Variants in PTPRD observed in about 807,000 individuals in gnomAD.
PTPRD encodes the protein protein tyrosine phosphatase receptor type D.
Under a neutral mutation model 214.5 loss-of-function variants are expected in PTPRD, and 34 were observed. The ratio of observed to expected loss-of-function variants is 0.16; its 90% CI spans 0.12 to 0.21. The LOEUF is 0.21. Among genes scored for constraint, PTPRD ranks in the 10% least tolerant of loss-of-function variants. The pLI, the probability that PTPRD is intolerant of heterozygous loss-of-function variation, is 1.00. For synonymous variants in PTPRD, 1,128 were observed against 845.7 expected, an observed-to-expected ratio of 1.33 and a Z score of -5.79; for missense variants, 2,545 against 2,398.7, an observed-to-expected ratio of 1.06 and a Z score of -1.27.
chr9:9,962,297 A>G (rs985367930), intron 4 of PTPRD, among the ~76,000 whole-genome samples: 2 of 148,662 alleles, frequency 1.3e-5, no homozygotes, highest in South Asian at 2.1e-4. Flanking sequence ...TGAGAAAGTG[A>G]TAACAGAAAA....
intron 3 of PTPRD, among the ~76,000 whole-genome samples, chr9:10,177,878 T>C (rs1312515514): frequency 1.3e-5 from 2 of 151,966 alleles, no homozygotes; most frequent in Non-Finnish European, 2.9e-5. Flanking sequence ...ATCCACTTCC[T>C]TTTATAATTA....
chr9:9,117,182 A>T (rs1424161813), intron 10 of PTPRD, among the ~76,000 whole-genome samples: 1 of 151,642 alleles, frequency 6.6e-6, no homozygotes, highest in East Asian at 1.9e-4. Flanking sequence ...CTGATCTAAA[A>T]TTAGTATCTT....
At chr9:10,062,439 C>T (rs1306156898) in intron 3 of PTPRD, among the ~76,000 whole-genome samples, 1 of 151,956 alleles carries the variant, frequency 6.6e-6, no homozygotes, top group Non-Finnish European at 1.5e-5. Flanking sequence ...AACCCCGTCT[C>T]TACTAAAAAT....
intron 11 of PTPRD, among the ~76,000 whole-genome samples, chr9:8,739,807 G>C (rs966115467): frequency 6.6e-6 from 1 of 152,144 alleles, no homozygotes; most frequent in Non-Finnish European, 1.5e-5. Flanking sequence ...TATAGGGGCA[G>C]GGCTTTCCTG....
chr9:8,505,451 T>C (rs1386449374), intron 22 of PTPRD, among the ~76,000 whole-genome samples: 1 of 151,630 alleles, frequency 6.6e-6, no homozygotes, highest in Non-Finnish European at 1.5e-5. Context: ...TGAAATCCCA[T>C]CTCTCCTAAA....
At chr9:10,519,092 C>T (rs534576167) in intron 2 of PTPRD, among the ~76,000 whole-genome samples, 13 of 151,494 alleles carry the variant, frequency 8.6e-5, no homozygotes, top group Admixed American at 3.3e-4. Context: ...CATTGTCAGA[C>T]GAGAAACTTG....
intron 2 of PTPRD, among the ~76,000 whole-genome samples, chr9:10,462,946 T>C (rs1404048661): frequency 6.7e-6 from 1 of 150,002 alleles, no homozygotes; most frequent in African/African-American, 2.4e-5. Flanking sequence ...TTCCAGAGAG[T>C]GTGTATATAT....
At chr9:10,029,089 A>G (rs559088882) in intron 4 of PTPRD, among the ~76,000 whole-genome samples, 2 of 152,324 alleles carry the variant, frequency 1.3e-5, no homozygotes, top group South Asian at 4.1e-4. Context: ...GCAAGGCCCA[A>G]GTCTTGGCAG....
At chr9:8,766,175 T>C (rs1314906026) in intron 11 of PTPRD, among the ~76,000 whole-genome samples, 6 of 150,926 alleles carry the variant, frequency 4.0e-5, no homozygotes, top group Non-Finnish European at 8.8e-5. Context: ...CCCATTTCGT[T>C]TTACCACTGA....
At chr9:10,340,033 C>G (rs2096910168) in intron 3 of PTPRD, among the ~76,000 whole-genome samples, 1 of 151,674 alleles carries the variant, frequency 6.6e-6, no homozygotes, top group South Asian at 2.1e-4. Flanking sequence ...ACTCTCCTCT[C>G]TAAAGAAAAT....
At chr9:8,749,808 A>G (rs1249755965) in intron 11 of PTPRD, among the ~76,000 whole-genome samples, 1 of 152,146 alleles carries the variant, frequency 6.6e-6, no homozygotes, top group Admixed American at 6.5e-5. Context: ...AACGTACAAG[A>G]CAGCAAGGTC....
At chr9:9,618,486 C>A (rs1487801871) in intron 7 of PTPRD, among the ~76,000 whole-genome samples, 1 of 152,002 alleles carries the variant, frequency 6.6e-6, no homozygotes, top group African/African-American at 2.4e-5. Context: ...TGAGCTATGG[C>A]AGTGACACTG....
rs113897163 is a variant in PTPRD at position 8,320,402 on chromosome 9, T to C, written c.5535-436A>G. Among the ~76,000 whole-genome samples, 446 of 152,266 alleles carry C rather than the reference T, an allele frequency of 2.9e-3. 2 individuals are homozygous for C. The highest frequency in any genetic ancestry group is 0.01 in the African/African-American group (435 of 41,574). On this transcript the variant is annotated intron_variant, in intron 44 of 45. Transcript: ENST00000381196. ...CTTTTCTATCACACTGTTCACATTTTGCAGTTACTTAAAATACATATGCGA... is the reference window on the plus strand; with the variant it reads ...CTTTTCTATCACACTGTTCACATTTCGCAGTTACTTAAAATACATATGCGA...
intron 3 of PTPRD, among the ~76,000 whole-genome samples, chr9:10,146,495 G>A (rs542692887): frequency 2.6e-5 from 4 of 152,160 alleles, no homozygotes; most frequent in African/African-American, 7.2e-5. Flanking sequence ...TTGAAATTAT[G>A]ACCTCAGGGA....
chr9:9,175,641 A>AAAAAAAAC (rs1569558777), intron 10 of PTPRD, among the ~76,000 whole-genome samples: 11 of 140,344 alleles, frequency 7.8e-5, no homozygotes, highest in East Asian at 4.3e-4. Flanking sequence ...AAAAAAAAAA[A>AAAAAAAAC]AAAAAAAAAG....
intron 4 of PTPRD, among the ~76,000 whole-genome samples, chr9:9,955,555 G>T (rs141244638): frequency 6.8e-6 from 1 of 147,428 alleles, no homozygotes; most frequent in African/African-American, 2.5e-5. Context: ...ACAGAGTCTC[G>T]CTCTGTCGCC....
intron 35 of PTPRD, among the ~76,000 whole-genome samples, chr9:8,434,058 C>T (rs1012305279): frequency 6.6e-6 from 1 of 152,188 alleles, no homozygotes; most frequent in Non-Finnish European, 1.5e-5. Flanking sequence ...CCTTGGCTCA[C>T]TGCAACCTCT....
intron 11 of PTPRD, among the ~76,000 whole-genome samples, chr9:8,839,616 C>T (rs545771704): frequency 3.3e-5 from 5 of 152,266 alleles, no homozygotes; most frequent in East Asian, 1.9e-4. Flanking sequence ...TGAGCCACCA[C>T]GCCCGGCTGA....
At chr9:9,432,766 A>T (rs1222619994) in intron 8 of PTPRD, among the ~76,000 whole-genome samples, 1 of 152,236 alleles carries the variant, frequency 6.6e-6, no homozygotes, top group Non-Finnish European at 1.5e-5. Flanking sequence ...TACCTAAGAA[A>T]AGAATAAGCC....
Sources: gnomAD v4.1 joint callset for allele counts (sites outside exome capture counted in the v4.1 genomes callset) on GRCh38, gnomAD v4.1.1 for gene constraint, MANE v1.5 for transcripts, NCBI Gene and HGNC (gene_info 2026-07-23, HGNC 2026-07-21) for gene names.